Variants in TOP1 observed in about 807,000 individuals in gnomAD.
The protein encoded by TOP1 is DNA topoisomerase I.
TOP1 carries 10 observed loss-of-function variants against 111.1 expected under a neutral mutation model. The ratio of observed to expected loss-of-function variants is 0.09; its 90% CI spans 0.06 to 0.15. The LOEUF (loss-of-function observed/expected upper bound fraction) is 0.15. Among genes scored for constraint, TOP1 ranks in the 10% least tolerant of loss-of-function variants. The probability of loss-of-function intolerance (pLI) is 1.00; values close to 1 mark genes in which losing one functional copy is unlikely to be tolerated. For missense variants in TOP1, 474 were observed against 926.7 expected, an observed-to-expected ratio of 0.51 and a Z score of 6.34; for synonymous variants, 271 against 302.9, an observed-to-expected ratio of 0.89 and a Z score of 1.10.
intron 2 of TOP1, among the ~76,000 whole-genome samples, chr20:41,039,511 A>G (rs1024750071): frequency 6.6e-5 from 10 of 151,990 alleles, no homozygotes; most frequent in African/African-American, 2.2e-4. Flanking sequence ...CTATATACCC[A>G]TTAAACTTTT....
chr20:41,108,071 T>C (rs4142395), intron 13 of TOP1, among the ~76,000 whole-genome samples: 151,024 of 152,328 alleles, frequency 0.99, 74,872 homozygotes, highest in Middle Eastern at 1. Context: ...ATAACAGATA[T>C]GTTTTTGTAA....
At position 41,101,267 on chromosome 20, in the gene TOP1, A is replaced by G. The variant is rs952663541; in HGVS notation, c.1222A>G (p.Asn408Asp). 1 of 1,614,044 alleles carries G rather than the reference A, an allele frequency of 6.2e-7. No individual in the cohort carries two copies. The highest frequency in any genetic ancestry group is 8.5e-7 in the Non-Finnish European group (1 of 1,179,986). The change falls in exon 13 of 21, where the codon AAC (asparagine) becomes GAC (aspartate). Residue 408 changes from asparagine (N) to aspartate (D), a missense_variant. By Grantham distance (23) the Asn-to-Asp change is conservative. Coordinates refer to ENST00000361337, the MANE Select transcript of TOP1 (RefSeq NM_003286.4). The surrounding 1 kb of genome is among the most constrained non-coding windows in gnomAD (Gnocchi z 4.1). Reference protein sequence around the residue: ...GHKWKEVRHDNKVTWLVSWTE... With the variant: ...GHKWKEVRHDDKVTWLVSWTE... ...TAAGTGGAAAGAAGTCCGGCATGAT[A>G]ACAAGGTTACTTGGCTGGTTTCCTG...
At chr20:41,045,898 C>A (rs1258939158) in intron 2 of TOP1, among the ~76,000 whole-genome samples, 11 of 152,148 alleles carry the variant, frequency 7.2e-5, no homozygotes, top group African/African-American at 2.7e-4. Context: ...CGCTCATGAC[C>A]AGTGTAGGCT....
chr20:41,029,351 C>T lies in TOP1; in HGVS notation c.34-80C>T. The T allele has an allele frequency of 1.5e-6, 2 of 1,342,286 alleles. No individual in the cohort carries two copies. Among genetic ancestry groups the T allele is most frequent in the Non-Finnish European group, 2.0e-6 (2 of 1,012,258 alleles). 83.1% of individuals were successfully genotyped at this position (1,342,286 alleles called of 1,614,324 possible). ...GTCCTCCCCGGGGGCGCAGGGTGAG[C>T]CAGACCCCGGCCGCGCGCGCTCGCC... On this transcript the variant is annotated intron_variant, in intron 1 of 20. Transcript: ENST00000361337. This position sits in a 1 kb window ranked among gnomAD's most constrained non-coding sequence, Gnocchi z 6.1.
chr20:41,048,006 C>A (rs755058701), intron 2 of TOP1, among the ~76,000 whole-genome samples: 1 of 151,762 alleles, frequency 6.6e-6, no homozygotes, highest in Non-Finnish European at 1.5e-5. Flanking sequence ...TTCCTTCTTC[C>A]TTTCAAATAG....
rs2033663374 is a variant in TOP1 at position 41,071,039 on chromosome 20, TATGGGGGATAGAGGACAGATTTAA to T, written c.156-5127_156-5104del. ...TACTCAAGTATCTGTTAAATACTTT[TATGGGGGATAGAGGACAGATTTAA>T]ATGGTTTCCCATAGCCAACATTCTA... On this transcript the variant is annotated intron_variant, in intron 3 of 20. Coordinates refer to ENST00000361337, the MANE Select transcript of TOP1 (RefSeq NM_003286.4). The surrounding 1 kb of genome is among the most constrained non-coding windows in gnomAD (Gnocchi z 4.3). Among the ~76,000 whole-genome samples, 1 of 152,200 alleles carries T rather than the reference TATGGGGGATAGAGGACAGATTTAA, an allele frequency of 6.6e-6. No individual in the cohort carries two copies. The highest frequency in any genetic ancestry group is 1.9e-4 in the East Asian group (1 of 5,196).
rs1303834308 is a variant in TOP1 at position 41,029,207 on chromosome 20, G to A, written c.33+107G>A. The A allele has an allele frequency of 7.2e-6, 7 of 974,104 alleles. No homozygotes were observed. Among genetic ancestry groups the A allele is most frequent in the Non-Finnish European group, 9.7e-6 (7 of 718,926 alleles). The allele number at this position is 974,104 out of a possible 1,614,324, so 60.3% of individuals were successfully genotyped here. A position where few individuals can be genotyped will look rare whatever the true frequency, so the allele number is the denominator to read the frequency against. On this transcript the variant is annotated intron_variant, in intron 1 of 20. Coordinates refer to ENST00000361337, the MANE Select transcript of TOP1 (RefSeq NM_003286.4). The surrounding 1 kb of genome is among the most constrained non-coding windows in gnomAD (Gnocchi z 6.1). ...CCGGCCCGGCAGCTTTGACAGGCCGGAGCCCCCGGTGAGGGGCCGCCTGCC... is the reference window on the plus strand; with the variant it reads ...CCGGCCCGGCAGCTTTGACAGGCCGAAGCCCCCGGTGAGGGGCCGCCTGCC...
intron 2 of TOP1, among the ~76,000 whole-genome samples, chr20:41,044,447 A>C (rs1402172035): frequency 1.3e-5 from 2 of 152,170 alleles, no homozygotes; most frequent in African/African-American, 4.8e-5. Context: ...TAATTGCTCT[A>C]TCTCAGTTTT....
rs980670245 is a variant in TOP1 at position 41,067,354 on chromosome 20, T to G, written c.155+5864T>G. On this transcript the variant is annotated intron_variant, in intron 3 of 20. Transcript: ENST00000361337. This position sits in a 1 kb window ranked among gnomAD's most constrained non-coding sequence, Gnocchi z 4.0. ...CAGGCTGGTCTCGAACTCCTGGCCT[T>G]GTGATCCTCCTGCCTCAGCCTCCCA... is the stretch of plus-strand genomic sequence containing the variant. 6.6e-6 allele frequency among the ~76,000 whole-genome samples: 1 copy of G among 151,714 alleles called. No individual in the cohort carries two copies. Among genetic ancestry groups the G allele is most frequent in the African/African-American group, 2.4e-5 (1 of 41,270 alleles).
rs1041606581 is a variant in TOP1 at position 41,058,150 on chromosome 20, C to G, written c.59-3244C>G. ...GTTAGTACTACGGTCATGCAGATTT[C>G]TATTTTCCCAGGGCCTGACACAGAA... On this transcript the variant is annotated intron_variant, in intron 2 of 20. Coordinates refer to ENST00000361337, the MANE Select transcript of TOP1 (RefSeq NM_003286.4). This position sits in a 1 kb window ranked among gnomAD's most constrained non-coding sequence, Gnocchi z 4.2. Among the ~76,000 whole-genome samples, 1 of 152,182 alleles carries G rather than the reference C, an allele frequency of 6.6e-6. No individual in the cohort carries two copies. The highest frequency in any genetic ancestry group is 1.5e-5 in the Non-Finnish European group (1 of 68,034).
At chr20:41,053,414 A>G (rs1435883973) in intron 2 of TOP1, among the ~76,000 whole-genome samples, 1 of 152,204 alleles carries the variant, frequency 6.6e-6, no homozygotes, top group Non-Finnish European at 1.5e-5. Context: ...TTCACTTTGA[A>G]ACAAGGAGGC....
rs920144856 is a variant in TOP1 at position 41,094,521 on chromosome 20, G to A, written c.730+1934G>A. 4.6e-5 allele frequency among the ~76,000 whole-genome samples: 7 copies of A among 152,254 alleles called. No homozygotes were observed. The highest frequency in any genetic ancestry group is 1.3e-4 in the Admixed American group (2 of 15,288). ...TTTCAAGATAGGAAGCAGAGGCCTG[G>A]TCTAGTTCACAGGTTGCCATAGTCC... is the stretch of plus-strand genomic sequence containing the variant. On this transcript the variant is annotated intron_variant, in intron 9 of 20. Transcript: ENST00000361337. The surrounding 1 kb of genome is among the most constrained non-coding windows in gnomAD (Gnocchi z 4.4).
chr20:41,058,283 G>A lies in TOP1; in HGVS notation c.59-3111G>A, dbSNP rs1031240512. 1.3e-5 allele frequency among the ~76,000 whole-genome samples: 2 copies of A among 152,192 alleles called. No individual in the cohort carries two copies. Among genetic ancestry groups the A allele is most frequent in the African/African-American group, 4.8e-5 (2 of 41,434 alleles). On this transcript the variant is annotated intron_variant, in intron 2 of 20. Coordinates refer to ENST00000361337, the MANE Select transcript of TOP1 (RefSeq NM_003286.4). This position sits in a 1 kb window ranked among gnomAD's most constrained non-coding sequence, Gnocchi z 4.2. Reference sequence around the variant, plus strand: ...TTAATTGATTGCTATAAAACATGTTGCCTCAAAATATAATAGCTTAAAACA... The same window carrying A: ...TTAATTGATTGCTATAAAACATGTTACCTCAAAATATAATAGCTTAAAACA...
chr20:41,091,461 A>C, intron 8 of TOP1, among the ~76,000 whole-genome samples: 1 of 152,032 alleles, frequency 6.6e-6, no homozygotes, highest in East Asian at 1.9e-4. Flanking sequence ...TTATAGAGAT[A>C]CTTGCTGAAA....
intron 13 of TOP1, among the ~76,000 whole-genome samples, chr20:41,107,428 A>T (rs1408762459): frequency 1.3e-5 from 2 of 152,090 alleles, no homozygotes; most frequent in African/African-American, 4.8e-5. Flanking sequence ...AGTTCAGGGG[A>T]ATATTTCATT....
intron 11 of TOP1, 119 bp from the exon 12 acceptor site, chr20:41,099,937 T>C: frequency 1.5e-6 from 1 of 647,708 alleles, no homozygotes; most frequent in Non-Finnish European, 2.5e-6. Flanking sequence ...TTTGAATTTA[T>C]TTTTTAGTGA....
chr20:41,093,522 G>A (rs898206363), intron 9 of TOP1, among the ~76,000 whole-genome samples: 3 of 150,868 alleles, frequency 2.0e-5, no homozygotes, highest in African/African-American at 7.3e-5. Context: ...ACCTCCACTT[G>A]TCTTACCACC....
Position 41,122,228 on chromosome 20 carries a change from G to A in TOP1, c.2195+73G>A. On this transcript the variant is annotated intron_variant, in intron 20 of 20. Coordinates refer to ENST00000361337, the MANE Select transcript of TOP1 (RefSeq NM_003286.4). This position sits in a 1 kb window ranked among gnomAD's most constrained non-coding sequence, Gnocchi z 5.4. ...TGGAGGGGGTTCCGAGAGCACTGGTGGCCTTCACATGCCATTCCTAAGCTA... is the reference window on the plus strand; with the variant it reads ...TGGAGGGGGTTCCGAGAGCACTGGTAGCCTTCACATGCCATTCCTAAGCTA... The A allele has an allele frequency of 1.3e-6, 2 of 1,509,596 alleles. No individual in the cohort carries two copies. Among genetic ancestry groups the A allele is most frequent in the South Asian group, 1.2e-5 (1 of 84,626 alleles). 93.5% of individuals were successfully genotyped at this position (1,509,596 alleles called of 1,614,324 possible).
chr20:41,088,153 G>GGTAT (rs1404640567), intron 8 of TOP1, among the ~76,000 whole-genome samples: 1 of 152,220 alleles, frequency 6.6e-6, no homozygotes, highest in Admixed American at 6.5e-5. Flanking sequence ...TGGGTCTTCA[G>GGTAT]GATACACATG....
Sources: allele counts gnomAD v4.1 joint callset (sites outside exome capture counted in the v4.1 genomes callset), GRCh38; gene constraint gnomAD v4.1.1; non-coding constraint Gnocchi (gnomAD v3.1); transcripts MANE v1.5; gene names NCBI Gene and HGNC (gene_info 2026-07-23, HGNC 2026-07-21).